Variants in CELF2 observed in about 807,000 individuals in gnomAD.
CELF2 encodes the protein CUGBP Elav-like family member 2, also known as CUG triplet repeat RNA-binding protein 2.
CELF2 carries 8 observed loss-of-function variants against 62.6 expected under a neutral mutation model. The ratio of observed to expected loss-of-function variants is 0.13; its 90% CI spans 0.07 to 0.23. CELF2 has a LOEUF of 0.23. Among genes scored for constraint, CELF2 ranks in the 10% least tolerant of loss-of-function variants. The pLI, the probability that CELF2 is intolerant of heterozygous loss-of-function variation, is 1.00. For missense variants in CELF2, 333 were observed against 671.0 expected (o/e 0.50, Z 5.56); for synonymous variants, 258 against 250.0 (o/e 1.03, Z -0.30).
chr10:10,574,376 T>C, the CELF2 span, among the ~76,000 whole-genome samples: 1 of 152,104 alleles, frequency 6.6e-6, no homozygotes, highest in Admixed American at 6.6e-5. Flanking sequence ...GGCCATGCCG[T>C]GCTGGGCAGG....
chr10:10,910,723 A>G (rs1314906470), intron 1 of CELF2, among the ~76,000 whole-genome samples: 1 of 151,302 alleles, frequency 6.6e-6, no homozygotes, highest in African/African-American at 2.4e-5. Flanking sequence ...AAAAAAAGAA[A>G]AGAAAAGAAA....
the CELF2 span, among the ~76,000 whole-genome samples, chr10:10,590,576 C>A: frequency 6.6e-6 from 1 of 152,206 alleles, no homozygotes; most frequent in Non-Finnish European, 1.5e-5. Context: ...TTTACTACCA[C>A]CAGCCACGAA....
intron 1 of CELF2, among the ~76,000 whole-genome samples, chr10:11,111,125 A>G (rs2055046498): frequency 6.6e-6 from 1 of 152,160 alleles, no homozygotes; most frequent in South Asian, 2.1e-4. Context: ...TGAGATAATA[A>G]TATGTGGCAT....
the CELF2 span, among the ~76,000 whole-genome samples, chr10:10,633,762 C>A: frequency 6.6e-6 from 1 of 151,658 alleles, no homozygotes; most frequent in Non-Finnish European, 1.5e-5. Flanking sequence ...ACCCTTCTAC[C>A]GTTTATATTC....
the CELF2 span, among the ~76,000 whole-genome samples, chr10:10,530,330 T>C: frequency 6.6e-6 from 1 of 152,252 alleles, no homozygotes; most frequent in African/African-American, 2.4e-5. Flanking sequence ...GATTAATTTC[T>C]TAATTACTAT....
chr10:11,111,381 A>G (rs184269828), intron 1 of CELF2, among the ~76,000 whole-genome samples: 1 of 152,278 alleles, frequency 6.6e-6, no homozygotes, highest in African/African-American at 2.4e-5. Flanking sequence ...TGTTACTGAT[A>G]AGTGTTTGTC....
the CELF2 span, among the ~76,000 whole-genome samples, chr10:10,555,748 A>G: frequency 2.6e-5 from 4 of 152,120 alleles, no homozygotes; most frequent in Non-Finnish European, 5.9e-5. Context: ...ACATGCACTC[A>G]CACTCACAAA....
intron 2 of CELF2, among the ~76,000 whole-genome samples, chr10:10,925,367 A>G (rs2065362899): frequency 6.6e-6 from 1 of 151,936 alleles, no homozygotes; most frequent in East Asian, 2.0e-4. Flanking sequence ...TTCATCCTCT[A>G]TCGTTAATTC....
the CELF2 span, among the ~76,000 whole-genome samples, chr10:10,590,026 G>A: frequency 1.4e-4 from 21 of 152,156 alleles, no homozygotes; most frequent in Admixed American, 1.4e-3. Context: ...TCTCTGCCCG[G>A]GGTGCTCAGG....
upstream of CELF2, among the ~76,000 whole-genome samples, chr10:11,017,636 C>T (rs1220233829): frequency 1.3e-5 from 2 of 152,154 alleles, no homozygotes; most frequent in Non-Finnish European, 2.9e-5. The surrounding 1 kb of genome is among the most constrained non-coding windows in gnomAD (Gnocchi z 5.5). Flanking sequence ...CCTAAACCTA[C>T]TCCGAGCGGC....
the CELF2 span, among the ~76,000 whole-genome samples, chr10:10,558,590 G>A: frequency 3.6e-4 from 55 of 151,954 alleles, no homozygotes; most frequent in African/African-American, 1.2e-3. Context: ...CTATTGATTG[G>A]AATAGTTTCA....
At chr10:10,850,962 T>A (rs1053459918) in intron 1 of CELF2, among the ~76,000 whole-genome samples, 3 of 152,030 alleles carry the variant, frequency 2.0e-5, no homozygotes, top group Non-Finnish European at 2.9e-5. Context: ...CCCCCCACCA[T>A]GCCTGGCTAA....
chr10:10,513,281 G>C, the CELF2 span, among the ~76,000 whole-genome samples: 1 of 152,034 alleles, frequency 6.6e-6, no homozygotes, highest in African/African-American at 2.4e-5. Context: ...TAATCAAAGG[G>C]TGGCAGCTGT....
At chr10:10,669,884 G>A in the CELF2 span, among the ~76,000 whole-genome samples, 1 of 146,738 alleles carries the variant, frequency 6.8e-6, no homozygotes, top group Non-Finnish European at 1.5e-5. Context: ...GGAAGGGACT[G>A]AGTCTCTTAT....
the CELF2 span, among the ~76,000 whole-genome samples, chr10:10,557,373 T>G: frequency 2.4e-3 from 370 of 151,618 alleles, 2 homozygotes; most frequent in Non-Finnish European, 1.5e-3. Context: ...TGAGGGCTCT[T>G]TTCTGTTCCA....
the CELF2 span, among the ~76,000 whole-genome samples, chr10:10,494,506 A>G: frequency 1.3e-5 from 2 of 152,242 alleles, no homozygotes; most frequent in African/African-American, 4.8e-5. Flanking sequence ...ACATACGGGA[A>G]GAACAAGACA....
intron 1 of CELF2, among the ~76,000 whole-genome samples, chr10:11,101,570 C>T (rs778917404): frequency 4.6e-5 from 7 of 152,322 alleles, no homozygotes; most frequent in East Asian, 3.9e-4. Context: ...TCATAAATGA[C>T]TTTGTCCACT....
chr10:11,168,329 T>C (rs1436897817), intron 2 of CELF2, among the ~76,000 whole-genome samples: 1 of 152,182 alleles, frequency 6.6e-6, no homozygotes, highest in African/African-American at 2.4e-5. Context: ...TTGAAAGAGC[T>C]TTTGTTATAC....
At chr10:10,643,792 G>A in the CELF2 span, among the ~76,000 whole-genome samples, 26 of 152,124 alleles carry the variant, frequency 1.7e-4, no homozygotes, top group African/African-American at 6.0e-4. Flanking sequence ...TTTACTTTAT[G>A]TCTTAACGTA....
Sources: allele counts gnomAD v4.1 joint callset (sites outside exome capture counted in the v4.1 genomes callset), GRCh38; gene constraint gnomAD v4.1.1; non-coding constraint Gnocchi (gnomAD v3.1); transcripts MANE v1.5; gene names NCBI Gene and HGNC (gene_info 2026-07-23, HGNC 2026-07-21).